Variants in ADGRL2 observed in about 807,000 individuals in gnomAD.
ADGRL2 encodes the protein calcium-independent alpha-latrotoxin receptor 2.
In ADGRL2, 44 loss-of-function variants were observed where a neutral mutation model predicts 157.4. That is an observed-to-expected ratio of 0.28 (90% CI 0.22 to 0.36). The LOEUF is 0.36. Ranked by LOEUF, ADGRL2 falls within the 10% of genes least tolerant of loss-of-function variation. The pLI, the probability that ADGRL2 is intolerant of heterozygous loss-of-function variation, is 1.00. For synonymous variants in ADGRL2, 585 were observed against 624.7 expected (o/e 0.94, Z 0.95); for missense variants, 1,510 against 1,768.9 (o/e 0.85, Z 2.63).
At chr1:81,566,734 G>A (rs12118028) in intron 2 of ADGRL2, among the ~76,000 whole-genome samples, 17,770 of 152,082 alleles carry the variant, frequency 0.12, 1,528 homozygotes, top group African/African-American at 0.24. Context: ...TGACTTCTTT[G>A]AGCCTAGCTG....
chr1:81,896,551 T>A (rs2151532197), intron 2 of ADGRL2, among the ~76,000 whole-genome samples: 1 of 152,252 alleles, frequency 6.6e-6, no homozygotes, highest in African/African-American at 2.4e-5. Flanking sequence ...ATGTCTTAAA[T>A]TTATAAACTC....
At chr1:81,863,218 C>T (rs899870922) in intron 2 of ADGRL2, among the ~76,000 whole-genome samples, 2 of 152,106 alleles carry the variant, frequency 1.3e-5, no homozygotes, top group Non-Finnish European at 2.9e-5. Flanking sequence ...TGCCTTCTCA[C>T]TTTGGGCCCT....
chr1:81,492,342 T>G (rs986902709), intron 2 of ADGRL2, among the ~76,000 whole-genome samples: 1 of 152,200 alleles, frequency 6.6e-6, no homozygotes. Context: ...AAATAACCAA[T>G]GAAGTGAAAA....
intron 1 of ADGRL2, among the ~76,000 whole-genome samples, chr1:81,814,899 A>AT (rs2090236049): frequency 6.6e-6 from 1 of 151,720 alleles, no homozygotes; most frequent in African/African-American, 2.4e-5. Context: ...AAATCATAAA[A>AT]TTTTATACAT....
intron 2 of ADGRL2, among the ~76,000 whole-genome samples, chr1:81,565,948 T>C (rs746784213): frequency 9.2e-5 from 14 of 152,264 alleles, no homozygotes; most frequent in Middle Eastern, 3.4e-3. Context: ...TGACAGGCTA[T>C]GTGGAATAGA....
intron 3 of ADGRL2, among the ~76,000 whole-genome samples, chr1:81,681,083 T>C (rs981541581): frequency 2.0e-5 from 3 of 152,216 alleles, no homozygotes; most frequent in East Asian, 3.9e-4. Flanking sequence ...AACAGAGCTG[T>C]GAAGACTTGA....
chr1:81,777,722 C>T (rs11163364), intron 2 of ADGRL2, among the ~76,000 whole-genome samples: 6,734 of 152,256 alleles, frequency 0.044, 171 homozygotes, highest in East Asian at 0.062. Flanking sequence ...GTGATCATGC[C>T]ATTGCACTCC....
intron 3 of ADGRL2, among the ~76,000 whole-genome samples, chr1:81,623,888 G>T (rs2081853039): frequency 6.6e-6 from 1 of 152,014 alleles, no homozygotes; most frequent in African/African-American, 2.4e-5. Context: ...GCCCTCCTCA[G>T]CTTCCCAAAA....
At chr1:81,981,711 A>G in intron 18 of ADGRL2, 97 bp from the exon 19 acceptor site, 1 of 958,202 alleles carries the variant, frequency 1.0e-6, no homozygotes. Flanking sequence ...GTGAACATAG[A>G]GAAAGTCAAC....
At chr1:81,828,839 T>A (rs1202925491) in intron 1 of ADGRL2, among the ~76,000 whole-genome samples, 1 of 152,134 alleles carries the variant, frequency 6.6e-6, no homozygotes, top group East Asian at 1.9e-4. Flanking sequence ...AATGACACAG[T>A]CTGTTACTGT....
intron 20 of ADGRL2, 27 bp from the exon 21 acceptor site, chr1:81,985,232 A>C: frequency 7.6e-7 from 1 of 1,320,264 alleles, no homozygotes; most frequent in Non-Finnish European, 1.1e-6. Context: ...AACAAAACAT[A>C]TTTGTCTTGC....
intron 2 of ADGRL2, among the ~76,000 whole-genome samples, chr1:81,552,618 A>C (rs2080176647): frequency 1.3e-5 from 2 of 151,386 alleles, no homozygotes; most frequent in African/African-American, 4.8e-5. Flanking sequence ...AAAAAAAAAA[A>C]AAAAAACAGA....
intron 1 of ADGRL2, among the ~76,000 whole-genome samples, chr1:81,816,565 A>T (rs2090425540): frequency 6.6e-6 from 1 of 151,926 alleles, no homozygotes; most frequent in Non-Finnish European, 1.5e-5. Flanking sequence ...CAGGATATAA[A>T]TTTAGTAATT....
At chr1:81,794,279 G>T (rs2087483856) in intron 2 of ADGRL2, among the ~76,000 whole-genome samples, 1 of 152,128 alleles carries the variant, frequency 6.6e-6, no homozygotes, top group African/African-American at 2.4e-5. Flanking sequence ...TCATTTTCGG[G>T]ACAACTAAAG....
At chr1:81,705,135 C>T (rs1471624416) in intron 1 of ADGRL2, among the ~76,000 whole-genome samples, 5 of 152,148 alleles carry the variant, frequency 3.3e-5, no homozygotes. Context: ...TCACTGCAAC[C>T]TCCACCTCTC....
chr1:81,669,709 A>G (rs191901642), intron 3 of ADGRL2, among the ~76,000 whole-genome samples: 190 of 152,180 alleles, frequency 1.2e-3, no homozygotes, highest in East Asian at 1.7e-3. Flanking sequence ...TTGGGAGGCC[A>G]AGGCGGGCGG....
At chr1:81,556,453 C>T (rs1214175851) in intron 2 of ADGRL2, among the ~76,000 whole-genome samples, 1 of 150,320 alleles carries the variant, frequency 6.7e-6, no homozygotes, top group East Asian at 2.0e-4. Flanking sequence ...GCTGGGATTA[C>T]AGGCGTGAGC....
intron 1 of ADGRL2, among the ~76,000 whole-genome samples, chr1:81,831,216 A>G (rs531194959): frequency 6.6e-6 from 1 of 152,320 alleles, no homozygotes; most frequent in South Asian, 2.1e-4. Flanking sequence ...TGGACTTACT[A>G]TGAACAACTT....
intron 1 of ADGRL2, among the ~76,000 whole-genome samples, chr1:81,363,341 G>A (rs1180166920): frequency 6.6e-6 from 1 of 151,982 alleles, no homozygotes. Context: ...CTATTAATGA[G>A]TCAATCCTAT....
Sources: allele counts gnomAD v4.1 joint callset (sites outside exome capture counted in the v4.1 genomes callset), GRCh38; gene constraint gnomAD v4.1.1; transcripts MANE v1.5; gene names NCBI Gene and HGNC (gene_info 2026-07-23, HGNC 2026-07-21).